Variants in NCKAP5 observed in about 807,000 individuals in gnomAD.
NCKAP5 encodes nck-associated protein 5.
In NCKAP5, 92 loss-of-function variants were observed where a neutral mutation model predicts 167.0. The ratio of observed to expected loss-of-function variants is 0.55; its 90% confidence interval spans 0.47 to 0.66. The LOEUF (loss-of-function observed/expected upper bound fraction) is 0.66. NCKAP5 is among the 30% of genes least tolerant of loss of function. The probability of loss-of-function intolerance (pLI) is 0.00; values close to 1 mark genes in which losing one functional copy is unlikely to be tolerated. For synonymous variants in NCKAP5, 891 were observed against 877.4 expected, an observed-to-expected ratio of 1.02 and a Z score of -0.27; for missense variants, 2,378 against 2,315.0, an observed-to-expected ratio of 1.03 and a Z score of -0.56.
At chr2:132,887,533 T>C (rs1021342064) in intron 8 of NCKAP5, among the ~76,000 whole-genome samples, 1 of 152,202 alleles carries the variant, frequency 6.6e-6, no homozygotes, top group African/African-American at 2.4e-5. Flanking sequence ...TGACCTTATA[T>C]GTCTGCTTCT....
At chr2:133,046,301 A>G (rs1226770357) in intron 6 of NCKAP5, among the ~76,000 whole-genome samples, 1 of 152,198 alleles carries the variant, frequency 6.6e-6, no homozygotes, top group East Asian at 1.9e-4. Flanking sequence ...TGCTTAACTG[A>G]AAATTCTAAA....
intron 3 of NCKAP5, among the ~76,000 whole-genome samples, chr2:133,349,976 G>C (rs1346776): frequency 0.27 from 40,314 of 152,058 alleles, 6,245 homozygotes; most frequent in African/African-American, 0.43. Flanking sequence ...AGAGATTTCC[G>C]TGTACCTTTC....
intron 11 of NCKAP5, among the ~76,000 whole-genome samples, chr2:132,825,817 T>C (rs1687086945): frequency 6.6e-6 from 1 of 152,258 alleles, no homozygotes; most frequent in South Asian, 2.1e-4. Context: ...AACATACTTA[T>C]GTGCTAAAAA....
intron 6 of NCKAP5, among the ~76,000 whole-genome samples, chr2:133,051,589 G>A (rs756861762): frequency 4.6e-5 from 7 of 152,148 alleles, no homozygotes; most frequent in Non-Finnish European, 1.0e-4. Flanking sequence ...GGCCTGCAAC[G>A]AGTTTTCATG....
chr2:133,203,283 C>T (rs1460396080), intron 5 of NCKAP5, among the ~76,000 whole-genome samples: 2 of 152,026 alleles, frequency 1.3e-5, no homozygotes, highest in South Asian at 4.2e-4. Context: ...AGCAAACCAT[C>T]GCAACGACAG....
the NCKAP5 span, among the ~76,000 whole-genome samples, chr2:133,601,887 C>T: frequency 9.2e-5 from 14 of 152,106 alleles, no homozygotes; most frequent in African/African-American, 2.9e-4. Flanking sequence ...GAAGTAGTGG[C>T]GAGTGGAAAG....
intron 6 of NCKAP5, among the ~76,000 whole-genome samples, chr2:133,038,290 A>G (rs142661817): frequency 1.3e-3 from 194 of 152,316 alleles, no homozygotes; most frequent in Middle Eastern, 6.8e-3. Flanking sequence ...TTCAGCCATA[A>G]AAAAGAATGA....
intron 6 of NCKAP5, among the ~76,000 whole-genome samples, chr2:133,010,510 T>C (rs1022854996): frequency 2.6e-5 from 4 of 152,210 alleles, no homozygotes; most frequent in Admixed American, 2.0e-4. Context: ...CCTGTCTCAT[T>C]ATAATCCATG....
chr2:133,108,313 G>A (rs970887955), intron 6 of NCKAP5, among the ~76,000 whole-genome samples: 1 of 152,106 alleles, frequency 6.6e-6, no homozygotes. Flanking sequence ...CAGTATCCCC[G>A]ATGCACATAC....
At chr2:132,816,548 A>G (rs1686288911) in intron 11 of NCKAP5, among the ~76,000 whole-genome samples, 1 of 152,082 alleles carries the variant, frequency 6.6e-6, no homozygotes, top group Admixed American at 6.5e-5. Flanking sequence ...TTCCCTGCTG[A>G]GGCGGAACAC....
At chr2:133,370,600 G>A (rs1446633222) in intron 3 of NCKAP5, among the ~76,000 whole-genome samples, 1 of 151,852 alleles carries the variant, frequency 6.6e-6, no homozygotes, top group Admixed American at 6.6e-5. Context: ...CCCTTTCAAA[G>A]CCTAGTATAA....
intron 6 of NCKAP5, among the ~76,000 whole-genome samples, chr2:133,014,963 T>G (rs768282625): frequency 6.6e-6 from 1 of 152,242 alleles, no homozygotes; most frequent in Non-Finnish European, 1.5e-5. Context: ...TTTATATGGT[T>G]CAACCTAATA....
At chr2:133,234,473 G>T (rs184269790) in intron 4 of NCKAP5, among the ~76,000 whole-genome samples, 468 of 152,322 alleles carry the variant, frequency 3.1e-3, no homozygotes, top group Non-Finnish European at 5.3e-3. Flanking sequence ...AAATACGGCA[G>T]ATCTAGGTCT....
chr2:133,078,505 G>A (rs2080689747), intron 6 of NCKAP5, among the ~76,000 whole-genome samples: 1 of 152,140 alleles, frequency 6.6e-6, no homozygotes, highest in Non-Finnish European at 1.5e-5. Context: ...GACCTCTGCT[G>A]CTGGATGGTG....
At chr2:133,669,184 G>T in the NCKAP5 span, among the ~76,000 whole-genome samples, 2 of 152,122 alleles carry the variant, frequency 1.3e-5, no homozygotes, top group East Asian at 1.9e-4. Flanking sequence ...GGGAAGAGGG[G>T]AATGAAAATA....
chr2:133,552,820 G>A (rs902284699), intron 2 of NCKAP5, among the ~76,000 whole-genome samples: 1 of 151,826 alleles, frequency 6.6e-6, no homozygotes, highest in Non-Finnish European at 1.5e-5. Flanking sequence ...GAAAGCAGAT[G>A]AACGAACACT....
At chr2:133,107,485 T>C (rs1312109184) in intron 6 of NCKAP5, among the ~76,000 whole-genome samples, 1 of 152,192 alleles carries the variant, frequency 6.6e-6, no homozygotes, top group African/African-American at 2.4e-5. Flanking sequence ...ATGTGTTAAT[T>C]TAACGTTAGT....
At chr2:133,479,463 G>T (rs1280239331) in intron 3 of NCKAP5, among the ~76,000 whole-genome samples, 1 of 152,138 alleles carries the variant, frequency 6.6e-6, no homozygotes, top group Non-Finnish European at 1.5e-5. Context: ...TCTCCACCAT[G>T]GAAGGGAACA....
chr2:133,382,085 G>A (rs1038084156), intron 3 of NCKAP5, among the ~76,000 whole-genome samples: 2 of 152,214 alleles, frequency 1.3e-5, no homozygotes, highest in East Asian at 3.8e-4. Flanking sequence ...CTCCTCGTCT[G>A]ATAGTTGTCT....
Sources: gnomAD v4.1 joint callset for allele counts (sites outside exome capture counted in the v4.1 genomes callset) on GRCh38, gnomAD v4.1.1 for gene constraint, MANE v1.5 for transcripts, NCBI Gene and HGNC (gene_info 2026-07-23, HGNC 2026-07-21) for gene names.